The following BANK1 variants were observed in gnomAD, a reference collection of about 807,000 sequenced individuals.
The protein encoded by BANK1 is B-cell scaffold protein with ankyrin repeats.
Under a neutral mutation model 94.5 loss-of-function variants are expected in BANK1, and 95 were observed. The ratio of observed to expected loss-of-function variants is 1.00; its 90% CI spans 0.85 to 1.19. The LOEUF (loss-of-function observed/expected upper bound fraction) is 1.19. Ranked by LOEUF, BANK1 falls within the 50% of genes most tolerant of loss-of-function variation. The probability of loss-of-function intolerance (pLI) is 0.00; values close to 1 mark genes in which losing one functional copy is unlikely to be tolerated. For missense variants in BANK1, 987 were observed against 932.2 expected (o/e 1.06, Z -0.77); for synonymous variants, 334 against 308.4 (o/e 1.08, Z -0.87).
chr4:102,049,397 C>A (rs185093315), intron 11 of BANK1, among the ~76,000 whole-genome samples: 1 of 152,052 alleles, frequency 6.6e-6, no homozygotes, highest in Non-Finnish European at 1.5e-5. Flanking sequence ...ACAGAAGGGC[C>A]TTTTCTATCT....
At chr4:102,015,679 G>T (rs1183052799) in intron 7 of BANK1, among the ~76,000 whole-genome samples, 3 of 152,110 alleles carry the variant, frequency 2.0e-5, no homozygotes, top group African/African-American at 4.8e-5. Context: ...AAACTTACAT[G>T]CCATGTTTGA....
At chr4:101,994,617 A>G (rs938160451) in intron 7 of BANK1, among the ~76,000 whole-genome samples, 1 of 152,184 alleles carries the variant, frequency 6.6e-6, no homozygotes. Flanking sequence ...TAGGGCTGAT[A>G]GGGGCCTTAG....
At chr4:101,842,102 T>A (rs1017972650) in intron 2 of BANK1, among the ~76,000 whole-genome samples, 1 of 152,166 alleles carries the variant, frequency 6.6e-6, no homozygotes, top group Non-Finnish European at 1.5e-5. Flanking sequence ...TCAAATAATA[T>A]CTCCTCAAAC....
intron 6 of BANK1, among the ~76,000 whole-genome samples, chr4:101,906,521 C>T (rs1722455993): frequency 6.6e-6 from 1 of 152,100 alleles, no homozygotes; most frequent in South Asian, 2.1e-4. Context: ...TCTTTTTCTT[C>T]AAATAATAAG....
At chr4:102,051,507 A>C (rs1728045421) in intron 11 of BANK1, among the ~76,000 whole-genome samples, 1 of 152,216 alleles carries the variant, frequency 6.6e-6, no homozygotes, top group South Asian at 2.1e-4. Flanking sequence ...GAGAACAAAG[A>C]CTGGAAAATA....
At chr4:101,897,715 A>T (rs1722136124) in intron 6 of BANK1, among the ~76,000 whole-genome samples, 1 of 151,956 alleles carries the variant, frequency 6.6e-6, no homozygotes, top group Non-Finnish European at 1.5e-5. Context: ...CATACCCTAT[A>T]CCAATTTATT....
chr4:101,932,665 A>G (rs1041159158), intron 7 of BANK1, among the ~76,000 whole-genome samples: 2 of 151,448 alleles, frequency 1.3e-5, no homozygotes, highest in Non-Finnish European at 3.0e-5. Flanking sequence ...CTTTAATGAG[A>G]TATTACTCTT....
chr4:102,071,193 C>T lies in BANK1; in HGVS notation c.2213-82C>T, dbSNP rs1728747476. The stretch of plus-strand genomic sequence containing the variant: ...GCAACCTCAAAGACAAGAAGTAGTC[C>T]AACAATTAAAAAAATAAGAGAGAGA... On this transcript the variant is annotated intron_variant, in intron 13 of 16. Transcript: ENST00000322953. The T allele has an allele frequency of 8.9e-6, 13 of 1,464,788 alleles. No homozygotes were observed. In the Admixed American group the frequency reaches 1.7e-4, roughly 19 times the overall value. The allele number at this position is 1,464,788 out of a possible 1,614,324, so 90.7% of individuals were successfully genotyped here. A position where few individuals can be genotyped will look rare whatever the true frequency, so the allele number is the denominator to read the frequency against.
intron 10 of BANK1, among the ~76,000 whole-genome samples, chr4:102,037,768 A>T (rs1244061744): frequency 6.6e-6 from 1 of 152,186 alleles, no homozygotes; most frequent in African/African-American, 2.4e-5. Flanking sequence ...CAGGGTTTTC[A>T]TGAGAACTAA....
At chr4:101,986,901 A>ATG (rs1725521908) in intron 7 of BANK1, among the ~76,000 whole-genome samples, 2 of 77,138 alleles carry the variant, frequency 2.6e-5, no homozygotes, top group Admixed American at 2.5e-4. Context: ...GTGTGTGTGT[A>ATG]TATATATATA....
intron 10 of BANK1, among the ~76,000 whole-genome samples, chr4:102,040,142 C>T (rs1021444200): frequency 4.6e-5 from 7 of 152,046 alleles, no homozygotes; most frequent in African/African-American, 1.7e-4. Context: ...AATATTCTCG[C>T]AGATGCAGCC....
At chr4:101,965,493 A>G (rs1475383705) in intron 7 of BANK1, among the ~76,000 whole-genome samples, 1 of 152,062 alleles carries the variant, frequency 6.6e-6, no homozygotes, top group Non-Finnish European at 1.5e-5. Flanking sequence ...AGTTTATCTG[A>G]TATCTAAAGA....
chr4:101,862,240 C>T (rs975624410), intron 3 of BANK1, among the ~76,000 whole-genome samples: 14 of 151,468 alleles, frequency 9.2e-5, no homozygotes, highest in African/African-American at 2.4e-4. Context: ...TTGAGGAAGA[C>T]GCAAGAAGAA....
At chr4:101,972,729 T>G (rs1460682073) in intron 7 of BANK1, 2 of 152,092 alleles carry the variant, frequency 1.3e-5, no homozygotes, top group East Asian at 3.9e-4. Context: ...ACAGCTCTTG[T>G]CATAACTCAT....
At chr4:101,986,845 GTATATATATGTATATATATA>G (rs1353338443) in intron 7 of BANK1, among the ~76,000 whole-genome samples, 9 of 62,058 alleles carry the variant, frequency 1.5e-4, no homozygotes, top group Non-Finnish European at 2.5e-4. Flanking sequence ...ATATATATGT[GTATATATATGTATATATATA>G]TGTGTGTATG....
chr4:101,906,748 C>T (rs2544574), intron 6 of BANK1, among the ~76,000 whole-genome samples: 10,958 of 152,154 alleles, frequency 0.072, 617 homozygotes, highest in Admixed American at 0.18. Context: ...TTACTCACCA[C>T]GGGGATTGCT....
chr4:101,813,253 C>G (rs1725784832), intron 1 of BANK1, among the ~76,000 whole-genome samples: 1 of 152,196 alleles, frequency 6.6e-6, no homozygotes, highest in South Asian at 2.1e-4. Flanking sequence ...AGATTTTGGG[C>G]AAGTTAATGA....
chr4:102,019,864 T>C (rs1330390592), intron 7 of BANK1, among the ~76,000 whole-genome samples: 1 of 152,196 alleles, frequency 6.6e-6, no homozygotes. Flanking sequence ...ATATCAATTG[T>C]ACATAATATT....
intron 11 of BANK1, among the ~76,000 whole-genome samples, chr4:102,054,620 G>A (rs1728168944): frequency 6.6e-6 from 1 of 152,106 alleles, no homozygotes; most frequent in African/African-American, 2.4e-5. Flanking sequence ...GAATTAAATT[G>A]ATGTAAAATA....
Sources: gnomAD v4.1 joint callset for allele counts (sites outside exome capture counted in the v4.1 genomes callset) on GRCh38, gnomAD v4.1.1 for gene constraint, MANE v1.5 for transcripts, NCBI Gene and HGNC (gene_info 2026-07-23, HGNC 2026-07-21) for gene names.